Variants in GRIK1 observed in about 807,000 individuals in gnomAD.
The protein encoded by GRIK1 is glutamate receptor ionotropic, kainate 1.
In GRIK1, 69 loss-of-function variants were observed where a neutral mutation model predicts 105.7. The ratio of observed to expected loss-of-function variants is 0.65; its 90% CI spans 0.54 to 0.80. The LOEUF (loss-of-function observed/expected upper bound fraction) is 0.80. Ranked by LOEUF, GRIK1 falls within the 30% of genes least tolerant of loss-of-function variation. The probability of loss-of-function intolerance (pLI) is 0.00; values close to 1 mark genes in which losing one functional copy is unlikely to be tolerated. For missense variants in GRIK1, 1,109 were observed against 1,167.3 expected, an observed-to-expected ratio of 0.95 and a Z score of 0.73; for synonymous variants, 438 against 431.3, an observed-to-expected ratio of 1.02 and a Z score of -0.19.
Position 29,563,002 on chromosome 21 carries a change from G to A in GRIK1, c.2131-1153C>T, listed in dbSNP as rs574294024. On this transcript the variant is annotated intron_variant, in intron 14 of 17. Transcript: ENST00000327783. ...CATTTTACTCTGTAATTTCCATACA[G>A]TTCCAATTTTTTTTTTTAATTTTTC... Among the ~76,000 whole-genome samples the A allele has an allele frequency of 4.6e-5, 7 of 151,734 alleles. No homozygotes were observed. In the East Asian group the frequency reaches 7.7e-4, roughly 17 times the overall value.
At chr21:29,829,816 A>C (rs2067574994) in intron 1 of GRIK1, among the ~76,000 whole-genome samples, 1 of 152,192 alleles carries the variant, frequency 6.6e-6, no homozygotes, top group African/African-American at 2.4e-5. Flanking sequence ...CACACATCAC[A>C]TCCAGTAACA....
intron 1 of GRIK1, among the ~76,000 whole-genome samples, chr21:29,807,626 A>T (rs1424224640): frequency 1.3e-5 from 2 of 152,134 alleles, no homozygotes; most frequent in Non-Finnish European, 2.9e-5. Flanking sequence ...TTTAAAATCT[A>T]TAATTATAAA....
chr21:29,722,715 G>A (rs1041860932), intron 1 of GRIK1, among the ~76,000 whole-genome samples: 1 of 151,922 alleles, frequency 6.6e-6, no homozygotes, highest in Non-Finnish European at 1.5e-5. Context: ...AAATTATATG[G>A]AGAATCAGAA....
intron 1 of GRIK1, among the ~76,000 whole-genome samples, chr21:29,897,473 A>T (rs1192937328): frequency 1.3e-5 from 2 of 152,216 alleles, no homozygotes; most frequent in Non-Finnish European, 2.9e-5. Context: ...ATTTTCCTCT[A>T]TAGGTCAGGC....
At chr21:29,931,897 A>ATT (rs1007283880) in intron 1 of GRIK1, among the ~76,000 whole-genome samples, 1 of 152,124 alleles carries the variant, frequency 6.6e-6, no homozygotes, top group Admixed American at 6.6e-5. Context: ...ATGTTTTAAT[A>ATT]TTTTTTTGAA....
intron 1 of GRIK1, among the ~76,000 whole-genome samples, chr21:29,906,152 G>A (rs1195871439): frequency 6.6e-6 from 1 of 152,070 alleles, no homozygotes; most frequent in African/African-American, 2.4e-5. Context: ...TCACTGAAAA[G>A]GTGTTAGAAA....
At position 29,673,176 on chromosome 21, in the gene GRIK1, C is replaced by A; in HGVS notation, c.545-12G>T. The A allele has an allele frequency of 6.5e-7, 1 of 1,536,202 alleles. No homozygotes were observed. The highest frequency in any genetic ancestry group is 1.1e-5 in the South Asian group (1 of 88,794). The stretch of plus-strand genomic sequence containing the variant: ...TAGACGAATTAGACCTAGAAAATGA[C>A]ATGCAATCATGCAATGGAGACTGTT... On this transcript the variant is annotated splice_polypyrimidine_tract_variant and intron_variant, in intron 3 of 17. Coordinates refer to ENST00000327783, the MANE Select transcript of GRIK1 (RefSeq NM_001330994.2).
chr21:29,666,329 G>C (rs1181227262), intron 4 of GRIK1, among the ~76,000 whole-genome samples: 1 of 152,152 alleles, frequency 6.6e-6, no homozygotes, highest in Non-Finnish European at 1.5e-5. Flanking sequence ...CTTGAACCTG[G>C]GAGGTGGAGG....
At chr21:29,882,548 T>C (rs1001957077) in intron 1 of GRIK1, among the ~76,000 whole-genome samples, 3 of 152,084 alleles carry the variant, frequency 2.0e-5, no homozygotes, top group Non-Finnish European at 2.9e-5. Context: ...AATGTGTGGT[T>C]TGACGCCTGG....
In GRIK1 at chr21:29,921,208, G is replaced by GA. The variant is rs10715744; in HGVS notation, c.118+18174dup. Among the ~76,000 whole-genome samples, 45 of 149,454 alleles carry GA rather than the reference G, an allele frequency of 3.0e-4. 1 individual carries two copies. The highest frequency in any genetic ancestry group is 4.9e-4 in the African/African-American group (20 of 40,984). ...AGACATTGCCAAATGTCCCCTGGAAGAAAAAAAAAATGACTCGCAGTTGCA... is the reference window on the plus strand; with the variant it reads ...AGACATTGCCAAATGTCCCCTGGAAGAAAAAAAAAAATGACTCGCAGTTGCA... On this transcript the variant is annotated intron_variant, in intron 1 of 17. Transcript: ENST00000327783.
chr21:29,917,933 A>G (rs1277376341), intron 1 of GRIK1, among the ~76,000 whole-genome samples: 1 of 152,018 alleles, frequency 6.6e-6, no homozygotes. Flanking sequence ...TGATTTCTTT[A>G]AAACACACAC....
chr21:29,641,853 C>T (rs1051759779), intron 7 of GRIK1, among the ~76,000 whole-genome samples: 2 of 152,132 alleles, frequency 1.3e-5, no homozygotes, highest in Non-Finnish European at 2.9e-5. Context: ...GGTGTGCAGG[C>T]ATGGAAGAGA....
chr21:29,863,837 T>C (rs468915), intron 1 of GRIK1, among the ~76,000 whole-genome samples: 50,978 of 152,020 alleles, frequency 0.34, 9,558 homozygotes, highest in African/African-American at 0.5. Context: ...CAGATAGCTA[T>C]CACACATTCT....
At chr21:29,861,309 C>CTTTTTTTTTTTTTTTTT (rs71191129) in intron 1 of GRIK1, among the ~76,000 whole-genome samples, 1 of 150,600 alleles carries the variant, frequency 6.6e-6, no homozygotes, top group Non-Finnish European at 1.5e-5. Flanking sequence ...TGTACTTACT[C>CTTTTTTTTTTTTTTTTT]TTTTTTTTTC....
intron 7 of GRIK1, among the ~76,000 whole-genome samples, chr21:29,626,436 T>C (rs368141813): frequency 1.3e-5 from 2 of 152,174 alleles, no homozygotes; most frequent in Non-Finnish European, 2.9e-5. Flanking sequence ...GTGAACGGTG[T>C]CTTTATAAGA....
rs1018593215 is a variant in GRIK1 at position 29,939,832 on chromosome 21, G to A, written c.-332C>T. 5 of 240,796 alleles carry A rather than the reference G, an allele frequency of 2.1e-5. No homozygotes were observed. Among genetic ancestry groups the A allele is most frequent in the African/African-American group, 9.0e-5 (4 of 44,312 alleles). 14.9% of individuals were successfully genotyped at this position (240,796 alleles called of 1,614,324 possible). On this transcript the variant is annotated 5_prime_UTR_variant, in exon 1 of 18. Coordinates refer to ENST00000327783, the MANE Select transcript of GRIK1 (RefSeq NM_001330994.2). ...AGGAAAGTTGCTGCCCCGATCTGCA[G>A]GAACGTCTCCCTCATTCGTCCTTTG...
intron 1 of GRIK1, among the ~76,000 whole-genome samples, chr21:29,737,453 G>T (rs982444099): frequency 6.6e-6 from 1 of 152,242 alleles, no homozygotes; most frequent in South Asian, 2.1e-4. Flanking sequence ...GGCTTGAAAA[G>T]TGGGGAGCCG....
At chr21:29,619,997 T>C (rs2061949532) in intron 7 of GRIK1, among the ~76,000 whole-genome samples, 1 of 152,190 alleles carries the variant, frequency 6.6e-6, no homozygotes. Context: ...ACGGTTCTCT[T>C]TACTCCTGAG....
At chr21:29,571,923 T>A (rs2090759541) in intron 14 of GRIK1, among the ~76,000 whole-genome samples, 1 of 152,090 alleles carries the variant, frequency 6.6e-6, no homozygotes, top group African/African-American at 2.4e-5. Flanking sequence ...GCAAATGACT[T>A]GTGCTCCAAA....
Sources: gnomAD v4.1 joint callset for allele counts (sites outside exome capture counted in the v4.1 genomes callset) on GRCh38, gnomAD v4.1.1 for gene constraint, MANE v1.5 for transcripts, NCBI Gene and HGNC (gene_info 2026-07-23, HGNC 2026-07-21) for gene names.